Variants in SIK3 observed in about 807,000 individuals in gnomAD.
SIK3 encodes SIK family kinase 3.
A neutral mutation model predicts 144.2 loss-of-function variants in SIK3; 28 were observed. That is an observed-to-expected ratio of 0.19 (90% CI 0.14 to 0.27). SIK3 has a LOEUF of 0.27. Ranked by LOEUF, SIK3 falls within the 10% of genes least tolerant of loss-of-function variation. SIK3 has a pLI of 1.00. For synonymous variants in SIK3, 686 were observed against 676.3 expected, an observed-to-expected ratio of 1.01 and a Z score of -0.22; for missense variants, 1,319 against 1,776.0, an observed-to-expected ratio of 0.74 and a Z score of 4.62.
At position 116,858,957 on chromosome 11, in the gene SIK3, A is replaced by G. The variant is rs537598612; in HGVS notation, c.2766-258T>C. The stretch of plus-strand genomic sequence containing the variant: ...ACTTCAAGATGCTCCCTTCAAGAAA[A>G]GGGGAACTGGAATTTTTATACATTC... On this transcript the variant is annotated intron_variant, in intron 20 of 24. Coordinates refer to ENST00000445177, the MANE Select transcript of SIK3 (RefSeq NM_001366686.3). This position sits in a 1 kb window ranked among gnomAD's most constrained non-coding sequence, Gnocchi z 5.4. Among the ~76,000 whole-genome samples the G allele has an allele frequency of 6.6e-6, 1 of 152,214 alleles. No homozygotes were observed. Among genetic ancestry groups the G allele is most frequent in the South Asian group, 2.1e-4 (1 of 4,832 alleles).
At chr11:116,976,435 T>G (rs956386512) in intron 1 of SIK3, among the ~76,000 whole-genome samples, 1 of 152,262 alleles carries the variant, frequency 6.6e-6, no homozygotes, top group African/African-American at 2.4e-5. Context: ...AACTTCATTC[T>G]TTTGAACATG....
intron 1 of SIK3, among the ~76,000 whole-genome samples, chr11:116,994,788 C>T (rs375235620): frequency 3.3e-5 from 5 of 152,134 alleles, no homozygotes; most frequent in African/African-American, 4.8e-5. Flanking sequence ...GTTTTCCCCA[C>T]GCTACCTATA....
chr11:117,076,724 G>A (rs1272319558), intron 1 of SIK3, among the ~76,000 whole-genome samples: 2 of 152,022 alleles, frequency 1.3e-5, no homozygotes, highest in Non-Finnish European at 2.9e-5. Flanking sequence ...TGTATTTTTA[G>A]TAGAGACGGG....
intron 1 of SIK3, among the ~76,000 whole-genome samples, chr11:116,978,511 G>A (rs574956131): frequency 7.9e-4 from 117 of 147,786 alleles, no homozygotes; most frequent in Non-Finnish European, 1.4e-3. Context: ...AATCATACTC[G>A]TTTTTTTTTT....
Position 116,867,226 on chromosome 11 carries a change from CCAAGACTGAGATTTTTAGTCAT to C in SIK3, c.1952+698_1952+719del, listed in dbSNP as rs1427881301. ...GAGCTTGGGGATAGCTTCGGAGTGG[CCAAGACTGAGATTTTTAGTCAT>C]CAAGATAGTCACAGAAGATAATCAT... On this transcript the variant is annotated intron_variant, in intron 15 of 24. Transcript: ENST00000445177. The surrounding 1 kb of genome is among the most constrained non-coding windows in gnomAD (Gnocchi z 4.1). Among the ~76,000 whole-genome samples, 2 of 152,136 alleles carry C rather than the reference CCAAGACTGAGATTTTTAGTCAT, an allele frequency of 1.3e-5. No individual in the cohort carries two copies. The highest frequency in any genetic ancestry group is 4.8e-5 in the African/African-American group (2 of 41,404).
At chr11:116,872,424 T>C (rs1944016329) in intron 13 of SIK3, among the ~76,000 whole-genome samples, 1 of 152,240 alleles carries the variant, frequency 6.6e-6, no homozygotes, top group Non-Finnish European at 1.5e-5. Flanking sequence ...TAATCACATA[T>C]GATCTTGTAC....
intron 1 of SIK3, among the ~76,000 whole-genome samples, chr11:116,960,583 T>C (rs978070037): frequency 6.6e-6 from 1 of 152,096 alleles, no homozygotes; most frequent in Admixed American, 6.5e-5. Context: ...CAGTTGAATA[T>C]AGTACTGAAA....
At chr11:116,887,579 T>C (rs1487658448) in intron 6 of SIK3, among the ~76,000 whole-genome samples, 3 of 149,436 alleles carry the variant, frequency 2.0e-5, no homozygotes, top group Non-Finnish European at 4.4e-5. Flanking sequence ...GTCGCACCAC[T>C]GCACTCCAGC....
chr11:116,982,517 T>G (rs1193219027), intron 1 of SIK3, among the ~76,000 whole-genome samples: 1 of 152,084 alleles, frequency 6.6e-6, no homozygotes, highest in Non-Finnish European at 1.5e-5. Context: ...CTTGAACTCC[T>G]GACCTCGTGA....
At chr11:116,994,621 C>T (rs1950600533) in intron 1 of SIK3, among the ~76,000 whole-genome samples, 1 of 152,140 alleles carries the variant, frequency 6.6e-6, no homozygotes, top group South Asian at 2.1e-4. Context: ...TTGGGATTAG[C>T]TAATTAATCT....
At chr11:117,050,601 C>T (rs202137704) in intron 1 of SIK3, among the ~76,000 whole-genome samples, 1 of 151,730 alleles carries the variant, frequency 6.6e-6, no homozygotes, top group African/African-American at 2.4e-5. Context: ...GCAGGAGAAT[C>T]GCTTGAACCT....
At chr11:116,996,034 G>A (rs1042246841) in intron 1 of SIK3, among the ~76,000 whole-genome samples, 2 of 152,116 alleles carry the variant, frequency 1.3e-5, no homozygotes, top group Non-Finnish European at 2.9e-5. Flanking sequence ...CTGGCTGGGT[G>A]CAGTGGTTCA....
chr11:116,972,329 A>G (rs536831283), intron 1 of SIK3, among the ~76,000 whole-genome samples: 29 of 152,310 alleles, frequency 1.9e-4, no homozygotes, highest in Middle Eastern at 3.4e-3. Context: ...AGTAGATTTT[A>G]TGGTAATGAG....
At chr11:116,938,554 AGGG>A (rs1948084352) in intron 3 of SIK3, among the ~76,000 whole-genome samples, 1 of 12,306 alleles carries the variant, frequency 8.1e-5, no homozygotes, top group Non-Finnish European at 1.5e-4. Context: ...AGGGGAGGGG[AGGG>A]GAGGGGAGGG....
chr11:117,051,865 C>T (rs910965932), intron 1 of SIK3, among the ~76,000 whole-genome samples: 2 of 150,668 alleles, frequency 1.3e-5, no homozygotes, highest in Non-Finnish European at 3.0e-5. Context: ...CTATCCAGGC[C>T]GGGCGTGGTG....
At chr11:116,955,733 A>G (rs1230017438) in intron 2 of SIK3, among the ~76,000 whole-genome samples, 1 of 152,192 alleles carries the variant, frequency 6.6e-6, no homozygotes, top group Non-Finnish European at 1.5e-5. Context: ...TTCAGGCAGC[A>G]CCAGGAAGCT....
At chr11:116,892,825 G>A (rs368287323) in intron 6 of SIK3, among the ~76,000 whole-genome samples, 2 of 152,210 alleles carry the variant, frequency 1.3e-5, no homozygotes, top group Non-Finnish European at 2.9e-5. Context: ...CAAGTCATCC[G>A]TAGGTGAAAG....
At chr11:116,912,412 T>C (rs1946396617) in intron 4 of SIK3, among the ~76,000 whole-genome samples, 2 of 152,222 alleles carry the variant, frequency 1.3e-5, no homozygotes, top group South Asian at 2.1e-4. Context: ...CAACAGGCAA[T>C]TTTCTTATTT....
chr11:117,078,559 C>T (rs936535981), intron 1 of SIK3, among the ~76,000 whole-genome samples: 2 of 151,548 alleles, frequency 1.3e-5, no homozygotes, highest in African/African-American at 4.9e-5. Flanking sequence ...GGATTACAGG[C>T]CCAGCTAATT....
Sources: allele counts gnomAD v4.1 joint callset (sites outside exome capture counted in the v4.1 genomes callset), GRCh38; gene constraint gnomAD v4.1.1; non-coding constraint Gnocchi (gnomAD v3.1); transcripts MANE v1.5; gene names NCBI Gene and HGNC (gene_info 2026-07-23, HGNC 2026-07-21).